TAFA5: variants seen among roughly 807,000 people sequenced by gnomAD.
The protein encoded by TAFA5 is chemokine-like protein TAFA-5.
Under a neutral mutation model 15.3 loss-of-function variants are expected in TAFA5, and 6 were observed. The ratio of observed to expected loss-of-function variants is 0.39; its 90% CI spans 0.21 to 0.77. TAFA5 has a LOEUF of 0.77. Among genes scored for constraint, TAFA5 ranks in the 30% least tolerant of loss-of-function variants. TAFA5 has a pLI of 0.41. For synonymous variants in TAFA5, 103 were observed against 80.7 expected, an observed-to-expected ratio of 1.28 and a Z score of -1.48; for missense variants, 161 against 193.1, an observed-to-expected ratio of 0.83 and a Z score of 0.98.
chr22:48,587,552 T>C (rs1220826973), intron 1 of TAFA5, among the ~76,000 whole-genome samples: 2 of 152,154 alleles, frequency 1.3e-5, no homozygotes, highest in African/African-American at 4.8e-5. Context: ...TGCATTTCTG[T>C]GGACTCCTAG....
rs933285376 is a variant in TAFA5 at position 48,646,133 on chromosome 22, T to G, written c.113-464T>G. ...AACTTTTGACAAGCCTGAGCGGGGG[T>G]CTGACCTATTTTCCGGCTCCAAAGT... On this transcript the variant is annotated intron_variant, in intron 1 of 3. Transcript: ENST00000402357. Among the ~76,000 whole-genome samples, 15 of 151,648 alleles carry G rather than the reference T, an allele frequency of 9.9e-5. No individual in the cohort carries two copies. The East Asian group carries it at 2.9e-3, about 29-fold the overall frequency.
chr22:48,579,994 C>T (rs936034455), intron 1 of TAFA5, among the ~76,000 whole-genome samples: 3 of 152,168 alleles, frequency 2.0e-5, no homozygotes, highest in Non-Finnish European at 2.9e-5. Context: ...GTGCATTCGA[C>T]GGCTTGAACG....
intron 3 of TAFA5, among the ~76,000 whole-genome samples, chr22:48,717,569 T>C (rs1428307724): frequency 6.6e-6 from 1 of 152,198 alleles, no homozygotes; most frequent in Non-Finnish European, 1.5e-5. Flanking sequence ...ACAAATGCCC[T>C]GAGGCTCCAG....
chr22:48,667,257 G>A (rs1437375709), intron 2 of TAFA5, among the ~76,000 whole-genome samples: 1 of 142,872 alleles, frequency 7.0e-6, no homozygotes, highest in Non-Finnish European at 1.5e-5. Context: ...CTGCATCTAA[G>A]AGCCACGCGC....
intron 1 of TAFA5, among the ~76,000 whole-genome samples, chr22:48,567,682 A>G (rs1923454154): frequency 6.6e-6 from 1 of 152,140 alleles, no homozygotes; most frequent in Non-Finnish European, 1.5e-5. Flanking sequence ...CCAGCTGGTC[A>G]CATATCCTCC....
chr22:48,575,028 G>C (rs1923713024), intron 1 of TAFA5, among the ~76,000 whole-genome samples: 1 of 152,086 alleles, frequency 6.6e-6, no homozygotes, highest in Admixed American at 6.5e-5. Flanking sequence ...GTTTGTGTGT[G>C]TTTCCAGGCA....
chr22:48,509,820 G>A (rs540479078), intron 1 of TAFA5, among the ~76,000 whole-genome samples: 55 of 151,948 alleles, frequency 3.6e-4, no homozygotes, highest in Non-Finnish European at 5.9e-4. Flanking sequence ...GCACAGTGGC[G>A]GGCGCCTGTA....
chr22:48,510,099 C>T (rs760579314), intron 1 of TAFA5, among the ~76,000 whole-genome samples: 29 of 152,052 alleles, frequency 1.9e-4, no homozygotes, highest in Non-Finnish European at 3.2e-4. Flanking sequence ...TAGAAGAAAA[C>T]GTACCTGAAA....
chr22:48,524,447 G>A (rs951721217), intron 1 of TAFA5, among the ~76,000 whole-genome samples: 1 of 152,210 alleles, frequency 6.6e-6, no homozygotes, highest in Non-Finnish European at 1.5e-5. Context: ...GGTCAGGGAC[G>A]CCCTCCCTGC....
At chr22:48,584,771 A>G (rs1369705267) in intron 1 of TAFA5, among the ~76,000 whole-genome samples, 1 of 151,392 alleles carries the variant, frequency 6.6e-6, no homozygotes, top group African/African-American at 2.4e-5. Flanking sequence ...CACACCACAC[A>G]CATCACACAC....
chr22:48,741,383 C>T lies in TAFA5; in HGVS notation c.391-8456C>T, dbSNP rs138458742. ...CCGGCATGTTCCCCAGCACCTCCTG[C>T]GTCGGGCGTGGAGGGGAAGGTGGCG... On this transcript the variant is annotated intron_variant, in intron 3 of 3. Transcript: ENST00000402357. Among the ~76,000 whole-genome samples the T allele has an allele frequency of 3.9e-3, 591 of 152,326 alleles. 1 individual carries two copies. The highest frequency in any genetic ancestry group is 0.013 in the African/African-American group (561 of 41,574).
rs111935372 is a variant in TAFA5 at position 48,713,274 on chromosome 22, C to T, written c.390+5430C>T. ...TGCCCAACGTGAGAGATTCTGAGGA[C>T]GTGCAGACGGCAGCTGCCGCTGATC... On this transcript the variant is annotated intron_variant, in intron 3 of 3. Transcript: ENST00000402357. 2.3e-3 allele frequency among the ~76,000 whole-genome samples: 346 copies of T among 152,330 alleles called. 1 individual carries two copies. The highest frequency in any genetic ancestry group is 7.3e-3 in the African/African-American group (303 of 41,580).
In TAFA5 at chr22:48,493,495, A is replaced by G. The variant is rs149842532; in HGVS notation, c.112+3791A>G. 5.3e-5 allele frequency among the ~76,000 whole-genome samples: 8 copies of G among 152,352 alleles called. No individual in the cohort carries two copies. The East Asian group carries it at 1.5e-3, about 29-fold the overall frequency. On this transcript the variant is annotated intron_variant, in intron 1 of 3. Coordinates refer to ENST00000402357, the MANE Select transcript of TAFA5 (RefSeq NM_001082967.3). ...TTGCATATTTAGGAGCGATTAGAAT[A>G]TGTTACTTTCCTGCTGTTCAAATTT... is the stretch of plus-strand genomic sequence containing the variant.
intron 3 of TAFA5, among the ~76,000 whole-genome samples, chr22:48,736,554 C>T (rs535985841): frequency 6.6e-6 from 1 of 152,328 alleles, no homozygotes; most frequent in South Asian, 2.1e-4. Flanking sequence ...TTAGCAGCAC[C>T]GTTCCCAACA....
chr22:48,537,204 G>A (rs1324036758), intron 1 of TAFA5, among the ~76,000 whole-genome samples: 1 of 152,068 alleles, frequency 6.6e-6, no homozygotes, highest in African/African-American at 2.4e-5. Context: ...TGAGACACCC[G>A]GGGTGGGGGC....
At chr22:48,579,536 G>A (rs1057093711) in intron 1 of TAFA5, among the ~76,000 whole-genome samples, 1 of 152,244 alleles carries the variant, frequency 6.6e-6, no homozygotes, top group African/African-American at 2.4e-5. Flanking sequence ...CAGACGACGT[G>A]TGTCACGGAG....
chr22:48,725,723 A>AG (rs757237122), intron 3 of TAFA5, among the ~76,000 whole-genome samples: 2 of 121,456 alleles, frequency 1.6e-5, no homozygotes, highest in Non-Finnish European at 3.7e-5. Flanking sequence ...GATAATTCAC[A>AG]GAAAAAAAAA....
chr22:48,641,090 G>A (rs1036618829), intron 1 of TAFA5, among the ~76,000 whole-genome samples: 21 of 134,958 alleles, frequency 1.6e-4, no homozygotes, highest in African/African-American at 6.0e-4. Context: ...AGTGAGAACA[G>A]TGGGGGGCTG....
intron 2 of TAFA5, among the ~76,000 whole-genome samples, chr22:48,659,810 C>T (rs1393093047): frequency 1.3e-5 from 2 of 152,204 alleles, no homozygotes; most frequent in South Asian, 4.1e-4. Flanking sequence ...CCTCCACCTC[C>T]CTTAGCGCAG....
Sources: gnomAD v4.1 joint callset for allele counts (sites outside exome capture counted in the v4.1 genomes callset) on GRCh38, gnomAD v4.1.1 for gene constraint, MANE v1.5 for transcripts, NCBI Gene and HGNC (gene_info 2026-07-23, HGNC 2026-07-21) for gene names.